Variants in CACNA2D3 observed in about 807,000 individuals in gnomAD.
CACNA2D3 encodes the protein calcium voltage-gated channel auxiliary subunit alpha2delta 3, also known as voltage-dependent calcium channel subunit alpha-2/delta-3.
CACNA2D3 carries 60 observed loss-of-function variants against 160.6 expected under a neutral mutation model. The observed-to-expected ratio is 0.37, with a 90% confidence interval of 0.30 to 0.46. CACNA2D3 has a LOEUF of 0.46. CACNA2D3 is among the 20% of genes least tolerant of loss of function. The pLI is 1.00. For missense variants in CACNA2D3, 1,205 were observed against 1,365.0 expected (o/e 0.88, Z 1.85); for synonymous variants, 558 against 492.9 (o/e 1.13, Z -1.75).
At chr3:54,683,512 C>A (rs531750484) in intron 11 of CACNA2D3, among the ~76,000 whole-genome samples, 3 of 152,294 alleles carry the variant, frequency 2.0e-5, no homozygotes, top group South Asian at 2.1e-4. Flanking sequence ...GGAGTAGTTT[C>A]TTTGACTATA....
chr3:55,033,339 A>C (rs996856086), intron 35 of CACNA2D3, among the ~76,000 whole-genome samples: 2 of 152,120 alleles, frequency 1.3e-5, no homozygotes, highest in Non-Finnish European at 2.9e-5. Flanking sequence ...TAGGATATGC[A>C]ATAAGAATTA....
chr3:54,256,124 A>C (rs1474506542), intron 2 of CACNA2D3, among the ~76,000 whole-genome samples: 1 of 152,216 alleles, frequency 6.6e-6, no homozygotes, highest in Non-Finnish European at 1.5e-5. Context: ...TTGGAAAGGG[A>C]AGGTCCTTGA....
Position 54,669,888 on chromosome 3 carries a change from A to G in CACNA2D3, c.1167+27647A>G, listed in dbSNP as rs545983495. ...GGTCTTGAACTCCTGGGCTCAAGCT[A>G]TCTACCCTCCTCAGCCTCCCAAAGT... On this transcript the variant is annotated intron_variant, in intron 11 of 37. Transcript: ENST00000474759. Among the ~76,000 whole-genome samples, 10 of 152,186 alleles carry G rather than the reference A, an allele frequency of 6.6e-5. No homozygotes were observed. The South Asian group carries it at 1.5e-3, about 22-fold the overall frequency.
At chr3:54,166,980 T>C (rs1401818538) in intron 2 of CACNA2D3, among the ~76,000 whole-genome samples, 4 of 152,236 alleles carry the variant, frequency 2.6e-5, no homozygotes, top group African/African-American at 7.2e-5. Context: ...TACAGTTTTC[T>C]TGAATTACGT....
chr3:54,906,721 A>G (rs943863461), intron 27 of CACNA2D3, among the ~76,000 whole-genome samples: 1 of 152,196 alleles, frequency 6.6e-6, no homozygotes, highest in African/African-American at 2.4e-5. Flanking sequence ...AATGTCAACT[A>G]TGAGATGGGA....
At position 55,073,428 on chromosome 3, in the gene CACNA2D3, A is replaced by G. The variant is rs1205521084; in HGVS notation, c.2988-17A>G. 4.4e-6 allele frequency: 7 copies of G among 1,592,824 alleles called. No individual in the cohort carries two copies. Among genetic ancestry groups the G allele is most frequent in the Non-Finnish European group, 2.6e-6 (3 of 1,160,778 alleles). ...ACGGATGGTAAATGACTGCCTCGCT[A>G]CCTCTTGTTCCAACAGGTCCTTTGT... On this transcript the variant is annotated splice_polypyrimidine_tract_variant and intron_variant, in intron 35 of 37. Coordinates refer to ENST00000474759, the MANE Select transcript of CACNA2D3 (RefSeq NM_018398.3).
At chr3:54,460,899 A>G (rs1007075520) in intron 4 of CACNA2D3, among the ~76,000 whole-genome samples, 3 of 152,168 alleles carry the variant, frequency 2.0e-5, no homozygotes, top group Non-Finnish European at 4.4e-5. Flanking sequence ...TCAGTGTGAT[A>G]TCGGCTGTGG....
At chr3:54,397,491 C>T (rs373348902) in intron 4 of CACNA2D3, among the ~76,000 whole-genome samples, 6 of 126,362 alleles carry the variant, frequency 4.7e-5, no homozygotes, top group Non-Finnish European at 8.3e-5. Flanking sequence ...GCTTTGAATG[C>T]GTCCCAGAGA....
rs143815958 is a variant in CACNA2D3, at chr3:54,645,565, C to T, written c.1167+3324C>T. Among the ~76,000 whole-genome samples, 649 of 152,256 alleles carry T rather than the reference C, an allele frequency of 4.3e-3. 8 individuals carry two copies. Among genetic ancestry groups the T allele is most frequent in the African/African-American group, 0.015 (623 of 41,534 alleles). On this transcript the variant is annotated intron_variant, in intron 11 of 37. Transcript: ENST00000474759. ...CACCACTCTTCATTTCCTCTCAGCC[C>T]ACTTCACTCATATGGTTTCCCTCCC... is the stretch of plus-strand genomic sequence containing the variant.
chr3:54,394,318 A>ATTTTTTTTTTTTTTTTTTTTTTTT (rs34291779), intron 4 of CACNA2D3, among the ~76,000 whole-genome samples: 1 of 139,294 alleles, frequency 7.2e-6, no homozygotes, highest in African/African-American at 2.7e-5. Flanking sequence ...GAGAGTGAAC[A>ATTTTTTTTTTTTTTTTTTTTTTTT]TTTTTTTTTT....
chr3:54,745,658 A>T (rs1701741076), intron 11 of CACNA2D3, among the ~76,000 whole-genome samples: 1 of 152,196 alleles, frequency 6.6e-6, no homozygotes, highest in Admixed American at 6.5e-5. Flanking sequence ...ATTGAGCTGT[A>T]TGTAATCTCG....
chr3:54,822,790 C>CTTTCTTTCTTTCCTTTCTTTCTTT (rs1491160047), intron 14 of CACNA2D3, among the ~76,000 whole-genome samples: 5 of 71,950 alleles, frequency 6.9e-5, no homozygotes, highest in Non-Finnish European at 1.1e-4. Context: ...TTCTTTCTTT[C>CTTTCTTTCTTTCCTTTCTTTCTTT]CTTTCTTTCT....
At chr3:54,964,427 C>T (rs937614902) in intron 27 of CACNA2D3, among the ~76,000 whole-genome samples, 48 of 151,710 alleles carry the variant, frequency 3.2e-4, no homozygotes, top group Admixed American at 1.6e-3. Context: ...TTTTCTGTAA[C>T]TCTCCTTGGG....
chr3:54,819,054 C>G (rs1277114394), intron 14 of CACNA2D3, among the ~76,000 whole-genome samples: 2 of 151,974 alleles, frequency 1.3e-5, no homozygotes, highest in Non-Finnish European at 2.9e-5. Flanking sequence ...CCCAACTCCC[C>G]TTCCCATCCC....
rs535576849 is a variant in CACNA2D3 at position 54,811,879 on chromosome 3, G to A, written c.1381-4974G>A. On this transcript the variant is annotated intron_variant, in intron 13 of 37. Transcript: ENST00000474759. ...CAAATTCTGTCTTTATTGCTCTCTG[G>A]CTTTGTGACCTTGTAGTTTCAACAT... Among the ~76,000 whole-genome samples the A allele has an allele frequency of 1.2e-4, 19 of 152,186 alleles. No homozygotes were observed. In the South Asian group the frequency reaches 3.5e-3, roughly 28 times the overall value.
rs114016599 is a variant in CACNA2D3, at chr3:55,004,302, A to G, written c.2691-461A>G. ...AATGTACAGGGCTTATCCTGGTCCA[A>G]ACCTGTTTCCTGGTGCTTAAGAAAC... On this transcript the variant is annotated intron_variant, in intron 31 of 37. Transcript: ENST00000474759. 3.3e-3 allele frequency among the ~76,000 whole-genome samples: 507 copies of G among 152,308 alleles called. 4 individuals are homozygous for G. The highest frequency in any genetic ancestry group is 0.012 in the African/African-American group (480 of 41,572).
At chr3:54,210,120 A>G (rs1701346411) in intron 2 of CACNA2D3, among the ~76,000 whole-genome samples, 2 of 152,178 alleles carry the variant, frequency 1.3e-5, no homozygotes, top group Admixed American at 1.3e-4. Context: ...CGTTTGTTAG[A>G]AGGTTATAAG....
chr3:54,503,301 G>C (rs966837274), intron 4 of CACNA2D3, among the ~76,000 whole-genome samples, 191 bp from the exon 5 acceptor site: 1 of 152,168 alleles, frequency 6.6e-6, no homozygotes, highest in Non-Finnish European at 1.5e-5. Flanking sequence ...AGTGACATTG[G>C]AAACTATTTA....
intron 26 of CACNA2D3, chr3:54,897,080 T>A (rs1700208905): frequency 7.9e-6 from 4 of 505,530 alleles, no homozygotes; most frequent in Non-Finnish European, 1.4e-5. Context: ...TTTACCAAAT[T>A]ATGTAAATGT....
Sources: gnomAD v4.1 joint callset for allele counts (sites outside exome capture counted in the v4.1 genomes callset) on GRCh38, gnomAD v4.1.1 for gene constraint, MANE v1.5 for transcripts, NCBI Gene and HGNC (gene_info 2026-07-23, HGNC 2026-07-21) for gene names.